Variants in PLEKHA8 observed in about 807,000 individuals in gnomAD.
The protein encoded by PLEKHA8 is pleckstrin homology domain-containing family A member 8.
A neutral mutation model predicts 68.2 loss-of-function variants in PLEKHA8; 36 were observed. The observed-to-expected ratio is 0.53, with a 90% confidence interval of 0.40 to 0.70. PLEKHA8 has a LOEUF of 0.70. Ranked by LOEUF, PLEKHA8 falls within the 30% of genes least tolerant of loss-of-function variation. The pLI is 0.00. For missense variants in PLEKHA8, 505 were observed against 615.4 expected, an observed-to-expected ratio of 0.82 and a Z score of 1.90; for synonymous variants, 211 against 216.1, an observed-to-expected ratio of 0.98 and a Z score of 0.20.
At chr7:30,045,469 T>C (rs1442806204) in intron 2 of PLEKHA8, among the ~76,000 whole-genome samples, 1 of 152,224 alleles carries the variant, frequency 6.6e-6, no homozygotes, top group East Asian at 1.9e-4. Context: ...ACCTGCTCAC[T>C]TGGGACCAGT....
intron 1 of PLEKHA8, among the ~76,000 whole-genome samples, chr7:30,044,285 G>A (rs765583447): frequency 4.6e-5 from 7 of 152,046 alleles, no homozygotes; most frequent in African/African-American, 1.4e-4. Context: ...GATTACAGGC[G>A]TGAGCCACCA....
chr7:30,056,781 GTGTGTATATA>G (rs1793010045), intron 9 of PLEKHA8, among the ~76,000 whole-genome samples: 1 of 86,106 alleles, frequency 1.2e-5, no homozygotes, highest in Non-Finnish European at 2.5e-5. Flanking sequence ...GTGTGTGTGT[GTGTGTATATA>G]TATATGTTAT....
At chr7:30,046,428 C>A in intron 3 of PLEKHA8, 63 bp downstream of exon 3, 1 of 1,495,452 alleles carries the variant, frequency 6.7e-7, no homozygotes, top group Non-Finnish European at 8.9e-7. Context: ...TCTCTGATTT[C>A]CCTTATTTGT....
At position 30,051,383 on chromosome 7, in the gene PLEKHA8, A is replaced by G. The variant is rs555109371; in HGVS notation, c.638+909A>G. Among the ~76,000 whole-genome samples, 189 of 149,534 alleles carry G rather than the reference A, an allele frequency of 1.3e-3. 4 individuals are homozygous for G. The South Asian group carries it at 0.037, about 30-fold the overall frequency. On this transcript the variant is annotated intron_variant, in intron 6 of 13. Transcript: ENST00000449726. ...ATATGCTCCTACATTTTGAATTACT[A>G]GGTTGAAATATGGTTTTTTTTTTTT...
At chr7:30,111,696 T>C (rs1350126816) in intron 13 of PLEKHA8, among the ~76,000 whole-genome samples, 1 of 152,058 alleles carries the variant, frequency 6.6e-6, no homozygotes, top group Non-Finnish European at 1.5e-5. Context: ...CATCACTCAC[T>C]GTAACCTCCG....
chr7:30,097,161 C>G (rs1371771818), intron 13 of PLEKHA8, among the ~76,000 whole-genome samples: 1 of 152,212 alleles, frequency 6.6e-6, no homozygotes, highest in African/African-American at 2.4e-5. Flanking sequence ...GGCCCCCACT[C>G]TCTTCTGGCT....
At chr7:30,043,325 C>G (rs552928227) in intron 1 of PLEKHA8, among the ~76,000 whole-genome samples, 1 of 152,240 alleles carries the variant, frequency 6.6e-6, no homozygotes, top group South Asian at 2.1e-4. Context: ...TAAAAATTTA[C>G]AAGTTCATCC....
At chr7:30,077,049 G>A (rs1231285334) in intron 13 of PLEKHA8, among the ~76,000 whole-genome samples, 1 of 152,114 alleles carries the variant, frequency 6.6e-6, no homozygotes, top group East Asian at 1.9e-4. Context: ...AGACTAGACA[G>A]TTGAACTCTA....
intron 12 of PLEKHA8, among the ~76,000 whole-genome samples, chr7:30,069,389 C>T (rs1193579033): frequency 2.6e-5 from 4 of 152,236 alleles, no homozygotes; most frequent in Non-Finnish European, 5.9e-5. Context: ...ATTGACATTT[C>T]TCTCGTCTTC....
chr7:30,040,121 G>A (rs955011001), intron 1 of PLEKHA8, among the ~76,000 whole-genome samples: 1 of 152,204 alleles, frequency 6.6e-6, no homozygotes, highest in African/African-American at 2.4e-5. Context: ...CGTTTAGTGA[G>A]ATGATCATGT....
At chr7:30,093,394 G>T, downstream of PLEKHA8, among the ~76,000 whole-genome samples, 1 of 152,190 alleles carries the variant, frequency 6.6e-6, no homozygotes, top group East Asian at 1.9e-4. Flanking sequence ...CTCAAGGTGG[G>T]TGAGAAAGCA....
chr7:30,090,496 C>T (rs1421250673), exon 13 of PLEKHA8: 1 of 236,074 alleles, frequency 4.2e-6, no homozygotes, highest in Non-Finnish European at 8.3e-6. Flanking sequence ...GATGGATGAG[C>T]TGGTAGAAAA....
At position 30,080,713 on chromosome 7, in the gene PLEKHA8, G is replaced by GGT. The variant is rs1168253191; in HGVS notation, c.*1937_*1938dup. 1.1e-5 allele frequency: 11 copies of GGT among 983,366 alleles called. No individual in the cohort carries two copies. Among genetic ancestry groups the GGT allele is most frequent in the Non-Finnish European group, 1.3e-5 (11 of 828,190 alleles). 60.9% of individuals were successfully genotyped at this position (983,366 alleles called of 1,614,324 possible). A position where few individuals can be genotyped will look rare whatever the true frequency, so the allele number is the denominator to read the frequency against. On this transcript the variant is annotated 3_prime_UTR_variant, in exon 14 of 14. Transcript: ENST00000449726. Reference sequence around the variant, plus strand: ...TGTTGATTATTTTGTATTTTGCCAAGGTGTGTGTGTGTTATTTCCCTCCCA... The same window carrying GGT: ...TGTTGATTATTTTGTATTTTGCCAAGGTGTGTGTGTGTGTTATTTCCCTCCCA...
Position 30,028,693 on chromosome 7 carries a change from T to C in PLEKHA8, c.-70T>C. ...CGCCAGGCGATGGCCCTGCTGCTGG[T>C]GCTCCTCGCCTCTTGGGGCCTGGGG... On this transcript the variant is annotated 5_prime_UTR_variant, in exon 1 of 14. Coordinates refer to ENST00000449726, the MANE Select transcript of PLEKHA8 (RefSeq NM_001197026.2). 8.7e-7 allele frequency: 1 copy of C among 1,154,148 alleles called. No individual in the cohort carries two copies. The highest frequency in any genetic ancestry group is 1.1e-6 in the Non-Finnish European group (1 of 907,788). 71.5% of individuals were successfully genotyped at this position (1,154,148 alleles called of 1,614,324 possible). A position where few individuals can be genotyped will look rare whatever the true frequency, so the allele number is the denominator to read the frequency against.
chr7:30,082,148 G>A lies in PLEKHA8; in HGVS notation c.*3361G>A. The A allele has an allele frequency of 1.0e-6, 1 of 985,384 alleles. No homozygotes were observed. The highest frequency in any genetic ancestry group is 1.2e-6 in the Non-Finnish European group (1 of 829,904). The allele number at this position is 985,384 out of a possible 1,614,324, so 61.0% of individuals were successfully genotyped here. On this transcript the variant is annotated 3_prime_UTR_variant, in exon 14 of 14. Coordinates refer to ENST00000449726, the MANE Select transcript of PLEKHA8 (RefSeq NM_001197026.2). Reference sequence around the variant, plus strand: ...TAGTTCTCATTAGGATGTATAAGTAGTGGCTTGAGGCACCTTCTTATCATT... The same window carrying A: ...TAGTTCTCATTAGGATGTATAAGTAATGGCTTGAGGCACCTTCTTATCATT...
chr7:30,081,674 A>G lies in PLEKHA8; in HGVS notation c.*2887A>G, dbSNP rs891182241. 7.1e-6 allele frequency: 7 copies of G among 985,278 alleles called. No homozygotes were observed. The highest frequency in any genetic ancestry group is 5.2e-4 in the Middle Eastern group (1 of 1,914). The allele number at this position is 985,278 out of a possible 1,614,324, so 61.0% of individuals were successfully genotyped here. A position where few individuals can be genotyped will look rare whatever the true frequency, so the allele number is the denominator to read the frequency against. Reference sequence around the variant, plus strand: ...TCACTTTGTTCTCATCGCTCAAAGCATTTTTAGGATTATTTTTCTAGCGTA... The same window carrying G: ...TCACTTTGTTCTCATCGCTCAAAGCGTTTTTAGGATTATTTTTCTAGCGTA... On this transcript the variant is annotated 3_prime_UTR_variant, in exon 14 of 14. Transcript: ENST00000449726.
At chr7:30,128,179 TCA>T (rs1197335648) in intron 13 of PLEKHA8, among the ~76,000 whole-genome samples, 1 of 151,506 alleles carries the variant, frequency 6.6e-6, no homozygotes, top group Non-Finnish European at 1.5e-5. Context: ...TGATCACGGC[TCA>T]CTGCAGACTC....
chr7:30,052,654 AAAAAAAG>A, intron 6 of PLEKHA8, 48 bp from the exon 7 acceptor site: 1 of 1,435,210 alleles, frequency 7.0e-7, no homozygotes, highest in Non-Finnish European at 9.2e-7. Context: ...AAAAAAAAAA[AAAAAAAG>A]ACCAAATAAC....
chr7:30,032,197 C>A (rs1790719437), intron 1 of PLEKHA8, among the ~76,000 whole-genome samples: 1 of 152,144 alleles, frequency 6.6e-6, no homozygotes, highest in Admixed American at 6.5e-5. Context: ...AAAATTTAGT[C>A]AAGGAGTATT....
Sources: gnomAD v4.1 joint callset for allele counts (sites outside exome capture counted in the v4.1 genomes callset) on GRCh38, gnomAD v4.1.1 for gene constraint, MANE v1.5 for transcripts, NCBI Gene and HGNC (gene_info 2026-07-23, HGNC 2026-07-21) for gene names.